SCLT1: variants seen among roughly 807,000 people sequenced by gnomAD.
SCLT1 encodes sodium channel-associated protein 1.
SCLT1 carries 78 observed loss-of-function variants against 112.8 expected under a neutral mutation model. The ratio of observed to expected loss-of-function variants is 0.69; its 90% CI spans 0.58 to 0.83. The LOEUF (loss-of-function observed/expected upper bound fraction) is 0.83. Ranked by LOEUF, SCLT1 falls within the 40% of genes least tolerant of loss-of-function variation. SCLT1 has a pLI of 0.00. For synonymous variants in SCLT1, 257 were observed against 254.7 expected (o/e 1.01, Z -0.09); for missense variants, 747 against 770.4 (o/e 0.97, Z 0.36).
chr4:128,918,000 G>GA (rs759524626), intron 18 of SCLT1, among the ~76,000 whole-genome samples: 4 of 152,086 alleles, frequency 2.6e-5, no homozygotes, highest in African/African-American at 4.8e-5. Context: ...CAAAGCAGAA[G>GA]AAAAAACGTA....
At chr4:129,013,431 T>C (rs1281504937) in intron 5 of SCLT1, among the ~76,000 whole-genome samples, 1 of 152,194 alleles carries the variant, frequency 6.6e-6, no homozygotes, top group Non-Finnish European at 1.5e-5. Flanking sequence ...CAGTGTATTT[T>C]TGTAGTGGGT....
intron 5 of SCLT1, among the ~76,000 whole-genome samples, chr4:129,035,997 C>T (rs1356458861): frequency 1.3e-5 from 2 of 151,924 alleles, no homozygotes; most frequent in Admixed American, 6.6e-5. Flanking sequence ...TATACTTTTA[C>T]ATAATCCACA....
chr4:128,888,857 A>G (rs568420892), intron 19 of SCLT1, 83 bp from the exon 20 acceptor site: 3 of 708,942 alleles, frequency 4.2e-6, no homozygotes, highest in African/African-American at 3.6e-5. Flanking sequence ...AAAAATCTGG[A>G]CATCACTTTA....
At chr4:128,879,033 C>T (rs958641846), downstream of SCLT1, among the ~76,000 whole-genome samples, 12 of 151,446 alleles carry the variant, frequency 7.9e-5, no homozygotes, top group African/African-American at 2.4e-4. Context: ...ATGTAAATGA[C>T]GAGTTAATGG....
intron 2 of SCLT1, among the ~76,000 whole-genome samples, chr4:129,066,141 C>T (rs1178068426): frequency 6.6e-6 from 1 of 151,926 alleles, no homozygotes; most frequent in Non-Finnish European, 1.5e-5. Context: ...TAATAAAATT[C>T]ACAGCAGAAA....
chr4:128,932,076 A>C (rs759604068), intron 18 of SCLT1, among the ~76,000 whole-genome samples: 35 of 151,934 alleles, frequency 2.3e-4, no homozygotes, highest in Non-Finnish European at 4.0e-4. Flanking sequence ...AGCATTTGCC[A>C]TATGTGGGAA....
At chr4:128,961,666 A>G (rs1321508997) in intron 11 of SCLT1, among the ~76,000 whole-genome samples, 1 of 152,082 alleles carries the variant, frequency 6.6e-6, no homozygotes, top group African/African-American at 2.4e-5. Flanking sequence ...ATCTGTCTAA[A>G]CTTAATCTGT....
chr4:129,008,805 C>A (rs926261240), intron 5 of SCLT1, among the ~76,000 whole-genome samples: 3 of 152,138 alleles, frequency 2.0e-5, no homozygotes, highest in African/African-American at 7.2e-5. Context: ...CTGATCCTCT[C>A]CCTCCTCCCA....
chr4:129,050,263 T>C (rs1461705138), intron 2 of SCLT1, among the ~76,000 whole-genome samples: 1 of 152,228 alleles, frequency 6.6e-6, no homozygotes, highest in Non-Finnish European at 1.5e-5. Flanking sequence ...GTAATTGGAT[T>C]GCTGGGTCAA....
chr4:129,059,994 T>G (rs1275710746), intron 2 of SCLT1, among the ~76,000 whole-genome samples: 4 of 152,198 alleles, frequency 2.6e-5, no homozygotes, highest in African/African-American at 9.6e-5. Flanking sequence ...AATATTTTTT[T>G]GCCTAATGGT....
chr4:129,024,658 G>C (rs1228536719), intron 5 of SCLT1, among the ~76,000 whole-genome samples: 1 of 152,202 alleles, frequency 6.6e-6, no homozygotes, highest in East Asian at 1.9e-4. Context: ...TCCTCCAAAG[G>C]AACGCAGTTC....
intron 5 of SCLT1, among the ~76,000 whole-genome samples, chr4:129,026,227 C>T (rs1383606511): frequency 6.6e-6 from 1 of 152,110 alleles, no homozygotes; most frequent in Non-Finnish European, 1.5e-5. Flanking sequence ...AACTCTCCAC[C>T]CCAAATCAAC....
At chr4:129,092,183 C>T (rs1344373558) in intron 1 of SCLT1, among the ~76,000 whole-genome samples, 1 of 152,232 alleles carries the variant, frequency 6.6e-6, no homozygotes, top group East Asian at 1.9e-4. Context: ...GGTCCATACT[C>T]CTTAGCACAG....
chr4:129,026,157 C>A (rs1455912034), intron 5 of SCLT1, among the ~76,000 whole-genome samples: 3 of 152,098 alleles, frequency 2.0e-5, no homozygotes, highest in Non-Finnish European at 4.4e-5. Flanking sequence ...AGAAAGTTAA[C>A]AAGGATATCC....
chr4:129,048,553 C>G (rs1425387481), intron 2 of SCLT1, among the ~76,000 whole-genome samples: 6 of 151,294 alleles, frequency 4.0e-5, no homozygotes, highest in African/African-American at 1.2e-4. Context: ...CATTACCATT[C>G]AGGACATAGG....
intron 18 of SCLT1, among the ~76,000 whole-genome samples, chr4:128,895,666 C>T (rs318513): frequency 0.24 from 35,967 of 152,048 alleles, 5,371 homozygotes; most frequent in African/African-American, 0.42. Context: ...GTTCATCTCA[C>T]TGGGGAGTGT....
In SCLT1 at chr4:128,936,768, AT is replaced by A. The variant is rs1171956028; in HGVS notation, c.1715del (p.Asn572IlefsTer6). Reference sequence around the variant, plus strand: ...GGAGATGCCTCAGTTCAACAATGGAATTTCTATTACTGTCTTCCATCTCTCT... The same window carrying A: ...GGAGATGCCTCAGTTCAACAATGGAATTCTATTACTGTCTTCCATCTCTCT... ...QLREMEDSNR[N>X]SIVELRHLLA... On this transcript the variant is annotated frameshift_variant, in exon 18 of 21. Coordinates refer to ENST00000281142, the MANE Select transcript of SCLT1 (RefSeq NM_144643.4). LOFTEE classifies it high-confidence loss of function. 6.2e-7 allele frequency: 1 copy of A among 1,610,288 alleles called. No individual in the cohort carries two copies. Among genetic ancestry groups the A allele is most frequent in the African/African-American group, 1.3e-5 (1 of 74,822 alleles).
At chr4:129,024,222 C>T (rs533172934) in intron 5 of SCLT1, among the ~76,000 whole-genome samples, 21 of 152,324 alleles carry the variant, frequency 1.4e-4, no homozygotes, top group South Asian at 2.1e-4. Flanking sequence ...GATCTGAGAA[C>T]GGGCAGACTG....
Position 129,093,509 on chromosome 4 carries a change from G to C in SCLT1, c.-406C>G, listed in dbSNP as rs1013616505. ...GGTTGGAGAGGACAACGCCAAGACGGCTGGGAAGCCCCAGGCCAGCAGCGG... is the reference window on the plus strand; with the variant it reads ...GGTTGGAGAGGACAACGCCAAGACGCCTGGGAAGCCCCAGGCCAGCAGCGG... On this transcript the variant is annotated 5_prime_UTR_variant, in exon 1 of 21. Coordinates refer to ENST00000281142, the MANE Select transcript of SCLT1 (RefSeq NM_144643.4). 9.7e-5 allele frequency: 18 copies of C among 185,928 alleles called. No homozygotes were observed. The highest frequency in any genetic ancestry group is 7.8e-5 in the Non-Finnish European group (7 of 89,388). The allele number at this position is 185,928 out of a possible 1,614,324, so 11.5% of individuals were successfully genotyped here. A position where few individuals can be genotyped will look rare whatever the true frequency, so the allele number is the denominator to read the frequency against.
Sources: allele counts gnomAD v4.1 joint callset (sites outside exome capture counted in the v4.1 genomes callset), GRCh38; gene constraint gnomAD v4.1.1; transcripts MANE v1.5; gene names NCBI Gene and HGNC (gene_info 2026-07-23, HGNC 2026-07-21).